The following EVC variants were observed in gnomAD, a reference collection of about 807,000 sequenced individuals.
EVC encodes the protein EvC ciliary complex subunit 1, also known as evC complex member EVC.
In EVC, 116 loss-of-function variants were observed where a neutral mutation model predicts 118.9. The observed-to-expected ratio is 0.98, with a 90% confidence interval of 0.84 to 1.14. The LOEUF is 1.14. Among genes scored for constraint, EVC ranks in the 50% most tolerant of loss-of-function variants. EVC has a pLI of 0.00. For synonymous variants in EVC, 619 were observed against 534.7 expected, an observed-to-expected ratio of 1.16 and a Z score of -2.18; for missense variants, 1,401 against 1,246.4, an observed-to-expected ratio of 1.12 and a Z score of -1.87.
At chr4:5,799,473 T>C (rs929741109) in intron 15 of EVC, among the ~76,000 whole-genome samples, 2 of 152,208 alleles carry the variant, frequency 1.3e-5, no homozygotes, top group Non-Finnish European at 2.9e-5. Context: ...ATGATACATT[T>C]CCAGCCTCCA....
the EVC span, among the ~76,000 whole-genome samples, chr4:5,819,669 G>T: frequency 6.6e-6 from 1 of 152,222 alleles, no homozygotes; most frequent in Non-Finnish European, 1.5e-5. Flanking sequence ...GCCAGGCCCA[G>T]AGAACAGGCT....
intron 11 of EVC, among the ~76,000 whole-genome samples, chr4:5,771,216 G>C (rs1257983459): frequency 6.6e-6 from 1 of 152,088 alleles, no homozygotes; most frequent in Non-Finnish European, 1.5e-5. Context: ...GGTGTCAGCA[G>C]GGCTGACTCC....
At chr4:5,773,341 T>C (rs1366273781) in intron 11 of EVC, among the ~76,000 whole-genome samples, 2 of 152,106 alleles carry the variant, frequency 1.3e-5, no homozygotes, top group South Asian at 2.1e-4. Context: ...TAGGCTGGGC[T>C]TGATTAACTT....
At position 5,742,312 on chromosome 4, in the gene EVC, T is replaced by C. The variant is rs1196641312; in HGVS notation, c.801+498T>C. The stretch of plus-strand genomic sequence containing the variant: ...TGAGATAATTCCTGTTCTGCGAGAG[T>C]GCAGAAAGGATAAGAGAGATGTGTA... On this transcript the variant is annotated intron_variant, in intron 6 of 20. Coordinates refer to ENST00000264956, the MANE Select transcript of EVC (RefSeq NM_153717.3). The surrounding 1 kb of genome is among the most constrained non-coding windows in gnomAD (Gnocchi z 5.2). 6.6e-6 allele frequency among the ~76,000 whole-genome samples: 1 copy of C among 152,126 alleles called. No homozygotes were observed. The highest frequency in any genetic ancestry group is 1.9e-4 in the East Asian group (1 of 5,200).
intron 11 of EVC, among the ~76,000 whole-genome samples, chr4:5,778,930 A>T (rs1436361256): frequency 6.6e-6 from 1 of 152,062 alleles, no homozygotes; most frequent in African/African-American, 2.4e-5. Flanking sequence ...CTATGTCCTG[A>T]ATGGTAATGC....
intron 1 of EVC, among the ~76,000 whole-genome samples, chr4:5,715,740 C>CTTT (rs35287924): frequency 2.8e-5 from 2 of 70,988 alleles, no homozygotes; most frequent in African/African-American, 9.7e-5. Context: ...TTTCCATTGT[C>CTTT]TTTTTTTTTT....
chr4:5,808,925 C>T (rs796902482), intron 18 of EVC, among the ~76,000 whole-genome samples: 3 of 152,242 alleles, frequency 2.0e-5, no homozygotes, highest in African/African-American at 4.8e-5. Flanking sequence ...TCTCCACTGG[C>T]GATGGCAGTC....
downstream of EVC, among the ~76,000 whole-genome samples, chr4:5,815,560 C>T (rs1021169581): frequency 2.9e-4 from 44 of 152,208 alleles, no homozygotes; most frequent in African/African-American, 7.9e-4. Flanking sequence ...AGTGATCCTT[C>T]CCAGACTGGC....
At position 5,797,090 on chromosome 4, in the gene EVC, G is replaced by A. The variant is rs765024763; in HGVS notation, c.1955G>A (p.Arg652His). Residue 652 changes from arginine (R) to histidine (H), a missense_variant, in exon 14 of 21, where the codon CGC (arginine) becomes CAC (histidine). Transcript: ENST00000264956. ...LRSALRRLAL[R>H]GNALATLTQM... ...TCAGCCCTCCGGAGGCTGGCACTCC[G>A]CGGCAACGCCCTGGCCACCCTGACG... 43 of 1,613,408 alleles carry A rather than the reference G, an allele frequency of 2.7e-5. No individual in the cohort carries two copies. Among genetic ancestry groups the A allele is most frequent in the South Asian group, 4.4e-5 (4 of 91,086 alleles).
intron 13 of EVC, among the ~76,000 whole-genome samples, chr4:5,794,303 ATT>A (rs1491256965): frequency 1.1e-5 from 1 of 94,468 alleles, no homozygotes; most frequent in African/African-American, 4.5e-5. Context: ...ATATATTTAT[ATT>A]TTTATATATT....
chr4:5,712,590 A>G (rs1545791), intron 1 of EVC, among the ~76,000 whole-genome samples: 126,164 of 152,160 alleles, frequency 0.83, 52,602 homozygotes, highest in African/African-American at 0.91. Context: ...TGGTCTTGCT[A>G]CCCCCATTTC....
intron 2 of EVC, among the ~76,000 whole-genome samples, chr4:5,722,216 C>T (rs1405207824): frequency 2.0e-5 from 3 of 152,186 alleles, no homozygotes; most frequent in Non-Finnish European, 4.4e-5. Flanking sequence ...TGCGTGTGAA[C>T]GTTCCTGCCA....
intron 16 of EVC, 63 bp from the exon 17 acceptor site, chr4:5,804,667 C>T (rs1715569501): frequency 1.3e-6 from 2 of 1,482,280 alleles, no homozygotes; most frequent in South Asian, 1.1e-5. Context: ...AGCACCTGCC[C>T]CAGACCTGGC....
chr4:5,816,664 C>T (rs1174470428), downstream of EVC, among the ~76,000 whole-genome samples: 1 of 146,970 alleles, frequency 6.8e-6, no homozygotes, highest in African/African-American at 2.5e-5. Flanking sequence ...TCCCTCCTTC[C>T]CCTCTCTCCC....
chr4:5,777,695 T>C (rs1734907423), intron 11 of EVC, among the ~76,000 whole-genome samples: 1 of 152,182 alleles, frequency 6.6e-6, no homozygotes, highest in Non-Finnish European at 1.5e-5. Flanking sequence ...ATCAGAAATA[T>C]AATCTCTAAA....
intron 1 of EVC, among the ~76,000 whole-genome samples, chr4:5,713,196 G>T (rs1545790): frequency 0.83 from 126,174 of 152,196 alleles, 52,604 homozygotes; most frequent in African/African-American, 0.91. Context: ...CAGCCATGGA[G>T]GGGTCTGTGG....
Position 5,811,123 on chromosome 4 carries a change from G to C in EVC, c.*86G>C. The C allele has an allele frequency of 9.8e-7, 1 of 1,017,968 alleles. No homozygotes were observed. The highest frequency in any genetic ancestry group is 2.6e-5 in the East Asian group (1 of 38,706). 63.1% of individuals were successfully genotyped at this position (1,017,968 alleles called of 1,614,324 possible). A position where few individuals can be genotyped will look rare whatever the true frequency, so the allele number is the denominator to read the frequency against. On this transcript the variant is annotated 3_prime_UTR_variant, in exon 21 of 21. Transcript: ENST00000264956. ...CCCTCCTGCAGTGCTGAGAGGCAGC[G>C]AGGACGGAGAGGACAGCGGCATCTC...
intron 1 of EVC, 149 bp downstream of exon 1, chr4:5,711,703 C>A: frequency 1.5e-6 from 1 of 687,816 alleles, no homozygotes; most frequent in Non-Finnish European, 1.8e-6. Flanking sequence ...TCCCCTTCTG[C>A]TCCAGGAGGG....
At chr4:5,787,966 G>A (rs1417308716) in intron 12 of EVC, among the ~76,000 whole-genome samples, 3 of 152,050 alleles carry the variant, frequency 2.0e-5, no homozygotes, top group African/African-American at 4.8e-5. Flanking sequence ...TGAAACACCC[G>A]CTTGACTCTC....
Sources: allele counts gnomAD v4.1 joint callset (sites outside exome capture counted in the v4.1 genomes callset), GRCh38; gene constraint gnomAD v4.1.1; non-coding constraint Gnocchi (gnomAD v3.1); transcripts MANE v1.5; gene names NCBI Gene and HGNC (gene_info 2026-07-23, HGNC 2026-07-21).